NCKAP1L: variants seen among roughly 807,000 people sequenced by gnomAD.
The protein encoded by NCKAP1L is nck-associated protein 1-like.
Under a neutral mutation model 139.2 loss-of-function variants are expected in NCKAP1L, and 53 were observed. That is an observed-to-expected ratio of 0.38 (90% confidence interval 0.31 to 0.48). The LOEUF (loss-of-function observed/expected upper bound fraction) is 0.48, where lower values mean the gene tolerates loss of function less well. Ranked by LOEUF, NCKAP1L falls within the 20% of genes least tolerant of loss-of-function variation. The probability of loss-of-function intolerance (pLI) is 0.98; values close to 1 mark genes in which losing one functional copy is unlikely to be tolerated. For missense variants in NCKAP1L, 1,151 were observed against 1,381.9 expected (o/e 0.83, Z 2.65); for synonymous variants, 468 against 499.7 (o/e 0.94, Z 0.85).
intron 3 of NCKAP1L, among the ~76,000 whole-genome samples, chr12:54,504,195 A>G (rs1956824391): frequency 6.6e-6 from 1 of 152,224 alleles, no homozygotes; most frequent in Non-Finnish European, 1.5e-5. Context: ...TGTATTATTT[A>G]TGTATTCAAG....
intron 7 of NCKAP1L, 64 bp downstream of exon 7, chr12:54,510,049 A>G: frequency 6.3e-7 from 1 of 1,583,050 alleles, no homozygotes; most frequent in Non-Finnish European, 8.6e-7. Flanking sequence ...ATCTCTGTAG[A>G]GGGTGCTTCT....
intron 22 of NCKAP1L, among the ~76,000 whole-genome samples, chr12:54,530,782 TC>T (rs1434250501): frequency 6.6e-6 from 1 of 152,226 alleles, no homozygotes; most frequent in Non-Finnish European, 1.5e-5. Context: ...TACTCCTTTA[TC>T]CATATATTTT....
At chr12:54,514,822 A>G (rs1956918021) in intron 9 of NCKAP1L, among the ~76,000 whole-genome samples, 1 of 152,214 alleles carries the variant, frequency 6.6e-6, no homozygotes, top group Non-Finnish European at 1.5e-5. Flanking sequence ...AGTTAGAAAG[A>G]GTAAATCTGA....
chr12:54,530,043 C>T (rs1957055522), intron 22 of NCKAP1L, among the ~76,000 whole-genome samples: 1 of 152,190 alleles, frequency 6.6e-6, no homozygotes, highest in South Asian at 2.1e-4. Flanking sequence ...AACAGGTTGA[C>T]TCTAAAAATG....
rs893569651 is a variant in NCKAP1L at position 54,497,832 on chromosome 12, C to T, written c.43C>T (p.Leu15Phe). The T allele has an allele frequency of 3.1e-6, 5 of 1,613,764 alleles. No homozygotes were observed. Among genetic ancestry groups the T allele is most frequent in the Non-Finnish European group, 4.2e-6 (5 of 1,179,748 alleles). ...SAYQHKLAEKLTILNDRGQGV... is the reference protein window; with the variant it reads ...SAYQHKLAEKFTILNDRGQGV... ...TTACCAGCATAAATTAGCAGAGAAG[C>T]TCACTATCCTGAATGATCGCGGTCA... Residue 15 changes from leucine to phenylalanine, a missense_variant, in exon 1 of 31, where the codon CTC becomes TTC. Coordinates refer to ENST00000293373, the MANE Select transcript of NCKAP1L (RefSeq NM_005337.5).
chr12:54,525,550 A>T (rs1957019627), intron 20 of NCKAP1L, among the ~76,000 whole-genome samples: 1 of 152,128 alleles, frequency 6.6e-6, no homozygotes, highest in Non-Finnish European at 1.5e-5. Context: ...ATAATCTCTG[A>T]TACTTGCTTC....
At chr12:54,532,299 A>G in intron 26 of NCKAP1L, 49 bp downstream of exon 26, 2 of 1,476,312 alleles carry the variant, frequency 1.4e-6, no homozygotes. Context: ...TTTGTTGTTG[A>G]AAAGGAGGTA....
intron 10 of NCKAP1L, among the ~76,000 whole-genome samples, chr12:54,516,590 C>G (rs1177518146): frequency 6.6e-6 from 1 of 151,998 alleles, no homozygotes; most frequent in Non-Finnish European, 1.5e-5. Context: ...GGATTACAGG[C>G]ACCCACCACC....
In NCKAP1L at chr12:54,526,762, GC is replaced by G. The variant is rs1957030175; in HGVS notation, c.2375+17del. 6.2e-7 allele frequency: 1 copy of G among 1,605,582 alleles called. No homozygotes were observed. Among genetic ancestry groups the G allele is most frequent in the African/African-American group, 1.3e-5 (1 of 74,718 alleles). On this transcript the variant is annotated intron_variant, in intron 21 of 30. Coordinates refer to ENST00000293373, the MANE Select transcript of NCKAP1L (RefSeq NM_005337.5). ...ACACAAACTGGTCAGTGTTGCTTAG[GC>G]TTTTCCACTGCCTTACTTTGTGTTG...
intron 21 of NCKAP1L, among the ~76,000 whole-genome samples, 195 bp from the exon 22 acceptor site, chr12:54,528,052 T>G (rs1462712348): frequency 6.6e-6 from 1 of 152,180 alleles, no homozygotes; most frequent in Non-Finnish European, 1.5e-5. Flanking sequence ...AAAGTGGAAT[T>G]CCAGTACTGC....
intron 26 of NCKAP1L, 86 bp from the exon 27 acceptor site, chr12:54,535,018 G>T: frequency 1.0e-6 from 1 of 995,060 alleles, no homozygotes; most frequent in South Asian, 1.6e-5. Context: ...TTAAACCTGT[G>T]ATCCAAAAGT....
At chr12:54,500,758 A>G (rs1956791508) in intron 3 of NCKAP1L, 133 bp downstream of exon 3, 1 of 654,728 alleles carries the variant, frequency 1.5e-6, no homozygotes, top group Admixed American at 2.6e-5. Context: ...AAGGATATCT[A>G]AGTTGTATTG....
At position 54,509,862 on chromosome 12, in the gene NCKAP1L, C is replaced by G; in HGVS notation, c.612C>G (p.Ala204=). ...FGPHTKAVSG[A]LLSLHFLFVR... ...TTTCCCCACAGGCTGTGAGTGGAGC[C>G]CTCCTCTCTTTGCATTTCCTCTTTG... The change falls in exon 7 of 31, where the codon GCC becomes GCG. Residue 204 remains alanine (A), a synonymous_variant. Coordinates refer to ENST00000293373, the MANE Select transcript of NCKAP1L (RefSeq NM_005337.5). 6.2e-7 allele frequency: 1 copy of G among 1,614,176 alleles called. No homozygotes were observed.
intron 25 of NCKAP1L, 122 bp downstream of exon 25, chr12:54,531,947 G>T: frequency 1.1e-6 from 1 of 886,228 alleles, no homozygotes; most frequent in Non-Finnish European, 1.8e-6. Context: ...AGGGGTTGGT[G>T]AGCATTGAGA....
intron 3 of NCKAP1L, among the ~76,000 whole-genome samples, chr12:54,507,033 A>G (rs999291466): frequency 4.0e-5 from 6 of 151,516 alleles, no homozygotes; most frequent in Admixed American, 6.6e-5. Flanking sequence ...GAATGAGCAA[A>G]GCAAAATTAC....
chr12:54,532,084 C>G, intron 25 of NCKAP1L, 86 bp from the exon 26 acceptor site: 1 of 996,842 alleles, frequency 1.0e-6, no homozygotes, highest in African/African-American at 2.1e-5. Context: ...TTGAGTGCCC[C>G]TCCTTTTTTT....
At chr12:54,521,742 A>T (rs1956984829) in intron 18 of NCKAP1L, among the ~76,000 whole-genome samples, 2 of 151,996 alleles carry the variant, frequency 1.3e-5, no homozygotes, top group Admixed American at 1.3e-4. Flanking sequence ...GACTCTTAGC[A>T]CCTCGTCATA....
chr12:54,519,002 A>G, intron 15 of NCKAP1L, 30 bp downstream of exon 15: 1 of 1,599,828 alleles, frequency 6.3e-7, no homozygotes, highest in Non-Finnish European at 8.6e-7. Flanking sequence ...AAAGATTCTC[A>G]TCCTCAGATT....
chr12:54,517,483 A>T, intron 11 of NCKAP1L, 50 bp from the exon 12 acceptor site: 1 of 1,233,442 alleles, frequency 8.1e-7, no homozygotes, highest in South Asian at 1.2e-5. Flanking sequence ...CTGTGCTTTG[A>T]AATCCATTTT....
Sources: allele counts gnomAD v4.1 joint callset (sites outside exome capture counted in the v4.1 genomes callset), GRCh38; gene constraint gnomAD v4.1.1; transcripts MANE v1.5; gene names NCBI Gene and HGNC (gene_info 2026-07-23, HGNC 2026-07-21).